Variants in USH2A observed in about 807,000 individuals in gnomAD.
USH2A encodes the protein usherin, also known as Usher syndrome 2A (autosomal recessive, mild).
In USH2A, 443 loss-of-function variants were observed where a neutral mutation model predicts 538.9. The observed-to-expected ratio is 0.82, with a 90% CI of 0.76 to 0.89. The LOEUF (loss-of-function observed/expected upper bound fraction) is 0.89. USH2A is among the 40% of genes least tolerant of loss of function. The probability of loss-of-function intolerance (pLI) is 0.00; values close to 1 mark genes in which losing one functional copy is unlikely to be tolerated. For missense variants in USH2A, 6,633 were observed against 6,324.8 expected (o/e 1.05, Z -1.65); for synonymous variants, 2,413 against 2,273.5 (o/e 1.06, Z -1.75).
At chr1:216,150,978 C>T (rs959367659) in intron 21 of USH2A, among the ~76,000 whole-genome samples, 2 of 152,164 alleles carry the variant, frequency 1.3e-5, no homozygotes, top group African/African-American at 4.8e-5. Context: ...GTAATTATTG[C>T]TTAGGAAGAC....
chr1:216,385,137 A>G (rs1312793319), intron 3 of USH2A, among the ~76,000 whole-genome samples: 3 of 152,186 alleles, frequency 2.0e-5, no homozygotes, highest in Non-Finnish European at 4.4e-5. Flanking sequence ...ACAACTTAAC[A>G]TGAGCTTTAA....
intron 35 of USH2A, among the ~76,000 whole-genome samples, chr1:215,987,114 G>A (rs1408010694): frequency 6.6e-6 from 1 of 152,090 alleles, no homozygotes; most frequent in Admixed American, 6.6e-5. Context: ...AGATAATGAC[G>A]AATAAGTTTG....
intron 35 of USH2A, among the ~76,000 whole-genome samples, chr1:215,983,642 C>A (rs567214542): frequency 1.1e-4 from 16 of 152,160 alleles, no homozygotes; most frequent in East Asian, 5.8e-4. Context: ...CACACACACA[C>A]AAAAAACACC....
intron 32 of USH2A, among the ~76,000 whole-genome samples, chr1:216,004,630 G>T (rs1668349711): frequency 6.6e-6 from 1 of 152,144 alleles, no homozygotes; most frequent in South Asian, 2.1e-4. Flanking sequence ...AAGTTTTGTG[G>T]TAAAGGAGAA....
chr1:216,366,171 A>C (rs1255872287), intron 3 of USH2A, among the ~76,000 whole-genome samples: 1 of 152,166 alleles, frequency 6.6e-6, no homozygotes, highest in Non-Finnish European at 1.5e-5. Context: ...GGCAAATAAA[A>C]GGCTCTGGAA....
intron 61 of USH2A, among the ~76,000 whole-genome samples, chr1:215,704,820 C>T (rs1184014191): frequency 6.6e-6 from 1 of 152,104 alleles, no homozygotes. Context: ...GTCTTGACTC[C>T]CCAGACTGAG....
chr1:216,175,631 T>C (rs1351644438), intron 20 of USH2A, 149 bp from the exon 21 acceptor site: 3 of 775,218 alleles, frequency 3.9e-6, no homozygotes, highest in African/African-American at 1.7e-5. Context: ...CTCTAGGAAC[T>C]GAAAACACAA....
intron 16 of USH2A, among the ~76,000 whole-genome samples, chr1:216,201,309 C>A (rs960083055): frequency 4.5e-4 from 60 of 133,680 alleles, no homozygotes; most frequent in African/African-American, 1.6e-3. Flanking sequence ...AGTCTTTTTT[C>A]TTTTTTTTTT....
intron 21 of USH2A, among the ~76,000 whole-genome samples, chr1:216,127,238 T>A (rs2033273754): frequency 1.3e-5 from 2 of 152,210 alleles, no homozygotes; most frequent in Admixed American, 1.3e-4. Flanking sequence ...CAAGTTCTTC[T>A]TAACGGCATT....
At chr1:216,059,176 A>T (rs922052300) in intron 30 of USH2A, among the ~76,000 whole-genome samples, 1 of 152,218 alleles carries the variant, frequency 6.6e-6, no homozygotes, top group African/African-American at 2.4e-5. Flanking sequence ...TAACATACAC[A>T]TATACATACA....
At position 215,640,959 on chromosome 1, in the gene USH2A, A is replaced by G. The variant is rs777492699; in HGVS notation, c.14792-225T>C. Among the ~76,000 whole-genome samples the G allele has an allele frequency of 7.2e-5, 11 of 152,188 alleles. 1 individual carries two copies. Among genetic ancestry groups the G allele is most frequent in the South Asian group, 4.1e-4 (2 of 4,820 alleles). The stretch of plus-strand genomic sequence containing the variant: ...GAAAACCAATGGGAACATGTGTGAA[A>G]TGCTTTCTCAGCAACTTTATGCCTG... On this transcript the variant is annotated intron_variant, in intron 67 of 71. Transcript: ENST00000307340.
rs370155266 is a variant in USH2A, at chr1:215,888,970, T to C, written c.7679A>G (p.Asn2560Ser). Reference protein sequence around the residue: ...LVTWQHPRKSNGVITHYNIYL... With the variant: ...LVTWQHPRKSSGVITHYNIYL... Reference sequence around the variant, plus strand: ...AATGTTATAATGGGTAATAACCCCATTGGATTTTCTAGGATGCTGCCAGGT... The same window carrying C: ...AATGTTATAATGGGTAATAACCCCACTGGATTTTCTAGGATGCTGCCAGGT... The change falls in exon 41 of 72, where the codon AAT (asparagine) becomes AGT (serine). Residue 2560 changes from asparagine to serine, a missense_variant. Asn to Ser is a conservative substitution (Grantham distance 46, BLOSUM62 1). Transcript: ENST00000307340. The C allele has an allele frequency of 4.1e-5, 66 of 1,614,022 alleles. No individual in the cohort carries two copies. The highest frequency in any genetic ancestry group is 2.0e-4 in the Admixed American group (12 of 60,014).
chr1:215,769,253 G>A (rs1030750404), intron 55 of USH2A, among the ~76,000 whole-genome samples: 5 of 152,124 alleles, frequency 3.3e-5, no homozygotes, highest in Admixed American at 6.5e-5. Context: ...CAAAACAATG[G>A]CCTCAGTTAT....
At chr1:215,744,046 C>T (rs191379800) in intron 58 of USH2A, among the ~76,000 whole-genome samples, 1 of 152,140 alleles carries the variant, frequency 6.6e-6, no homozygotes, top group East Asian at 1.9e-4. Context: ...TTATGCTGTC[C>T]TATATTTTTT....
At chr1:216,352,874 G>A (rs964225857) in intron 4 of USH2A, among the ~76,000 whole-genome samples, 3 of 152,056 alleles carry the variant, frequency 2.0e-5, no homozygotes, top group Non-Finnish European at 4.4e-5. Flanking sequence ...AATCACTGAG[G>A]ATCAGGATAA....
intron 3 of USH2A, among the ~76,000 whole-genome samples, chr1:216,393,948 CATA>C (rs1333583186): frequency 6.6e-6 from 1 of 152,256 alleles, no homozygotes; most frequent in Non-Finnish European, 1.5e-5. Flanking sequence ...ATAGAAATTT[CATA>C]ATAAGAAAAG....
chr1:216,211,952 AT>A (rs1217580607), intron 15 of USH2A, among the ~76,000 whole-genome samples: 2 of 152,162 alleles, frequency 1.3e-5, no homozygotes, highest in Non-Finnish European at 2.9e-5. Context: ...ATTCATGGTA[AT>A]TTAACATTTT....
At chr1:215,998,030 T>C (rs1273982257) in intron 34 of USH2A, among the ~76,000 whole-genome samples, 1 of 152,104 alleles carries the variant, frequency 6.6e-6, no homozygotes, top group East Asian at 1.9e-4. Flanking sequence ...CAAGAGCATG[T>C]TAAGTAAAAT....
Position 216,115,003 on chromosome 1 carries a change from T to C in USH2A, c.4628-17790A>G, listed in dbSNP as rs80036026. On this transcript the variant is annotated intron_variant, in intron 21 of 71. Transcript: ENST00000307340. The stretch of plus-strand genomic sequence containing the variant: ...AGATATCTATTTATATCTGTATCCG[T>C]ATGTATAGAGAGAGCTCTATCTATG... Among the ~76,000 whole-genome samples the C allele has an allele frequency of 5.4e-3, 825 of 152,310 alleles. 12 individuals are homozygous for C. Among genetic ancestry groups the C allele is most frequent in the African/African-American group, 0.017 (720 of 41,564 alleles).
Sources: allele counts gnomAD v4.1 joint callset (sites outside exome capture counted in the v4.1 genomes callset), GRCh38; gene constraint gnomAD v4.1.1; transcripts MANE v1.5; gene names NCBI Gene and HGNC (gene_info 2026-07-23, HGNC 2026-07-21).